The following RAB21 variants were observed in gnomAD, a reference collection of about 807,000 sequenced individuals.
The protein encoded by RAB21 is ras-related protein Rab-21.
Under a neutral mutation model 33.1 loss-of-function variants are expected in RAB21, and 13 were observed. The observed-to-expected ratio is 0.39, with a 90% CI of 0.26 to 0.62. The LOEUF (loss-of-function observed/expected upper bound fraction) is 0.62, where lower values mean the gene tolerates loss of function less well. RAB21 is among the 20% of genes least tolerant of loss of function. The probability of loss-of-function intolerance (pLI) is 0.48; values close to 1 mark genes in which losing one functional copy is unlikely to be tolerated. For missense variants in RAB21, 234 were observed against 279.1 expected (o/e 0.84, Z 1.15); for synonymous variants, 91 against 103.7 (o/e 0.88, Z 0.74).
rs1883362529 is a variant in RAB21 at position 71,790,378 on chromosome 12, T to G, written c.*4705T>G. On this transcript the variant is annotated 3_prime_UTR_variant, in exon 7 of 7. Coordinates refer to ENST00000261263, the MANE Select transcript of RAB21 (RefSeq NM_014999.4). ...AAAGCTAAGGTGATTTCTTTACATT[T>G]GAACATGTGTAGATCAATGAGAGAA... is the stretch of plus-strand genomic sequence containing the variant. 1 of 152,158 alleles carries G rather than the reference T, an allele frequency of 6.6e-6. No homozygotes were observed. Among genetic ancestry groups the G allele is most frequent in the Non-Finnish European group, 1.5e-5 (1 of 68,016 alleles). The allele number at this position is 152,158 out of a possible 1,614,324, so 9.4% of individuals were successfully genotyped here.
intron 4 of RAB21, among the ~76,000 whole-genome samples, chr12:71,777,657 C>G (rs1369573868): frequency 6.6e-6 from 1 of 152,144 alleles, no homozygotes; most frequent in Admixed American, 6.5e-5. Context: ...ATAAGATAAC[C>G]TTTCAAGCAT....
At chr12:71,774,536 A>G (rs1269101698) in intron 4 of RAB21, among the ~76,000 whole-genome samples, 1 of 151,992 alleles carries the variant, frequency 6.6e-6, no homozygotes, top group Non-Finnish European at 1.5e-5. Context: ...AGGCAGGTAG[A>G]TCATCTGAGG....
rs922943945 is a variant in RAB21, at chr12:71,793,761, T to C, written c.*8088T>C. 3.9e-5 allele frequency: 6 copies of C among 152,234 alleles called. No individual in the cohort carries two copies. The highest frequency in any genetic ancestry group is 8.8e-5 in the Non-Finnish European group (6 of 68,044). The allele number at this position is 152,234 out of a possible 1,614,324, so 9.4% of individuals were successfully genotyped here. On this transcript the variant is annotated 3_prime_UTR_variant, in exon 7 of 7. Transcript: ENST00000261263. ...GAAAGACATAATTTTGGGTGAACTTTCTTGAAGATGGTCAGAAAGGGCATT... is the reference window on the plus strand; with the variant it reads ...GAAAGACATAATTTTGGGTGAACTTCCTTGAAGATGGTCAGAAAGGGCATT...
At chr12:71,785,409 T>G (rs1409243855) in intron 6 of RAB21, 122 bp from the exon 7 acceptor site, 1 of 1,143,932 alleles carries the variant, frequency 8.7e-7, no homozygotes, top group Non-Finnish European at 1.2e-6. Flanking sequence ...CAATGTTCAT[T>G]ATATTTAGTT....
At chr12:71,771,309 G>T (rs1406537800) in intron 3 of RAB21, among the ~76,000 whole-genome samples, 2 of 152,174 alleles carry the variant, frequency 1.3e-5, no homozygotes, top group African/African-American at 4.8e-5. Context: ...ATCACAATCA[G>T]ATGGGTTACT....
At chr12:71,760,897 C>G (rs1047418137) in intron 1 of RAB21, among the ~76,000 whole-genome samples, 5 of 152,064 alleles carry the variant, frequency 3.3e-5, no homozygotes, top group African/African-American at 1.2e-4. Flanking sequence ...AACAGTTTGG[C>G]AAATGAGGAA....
chr12:71,762,467 G>T (rs1190561132), intron 1 of RAB21, among the ~76,000 whole-genome samples: 2 of 151,878 alleles, frequency 1.3e-5, no homozygotes, highest in Non-Finnish European at 2.9e-5. Flanking sequence ...TACCACGCCC[G>T]GCTAATTTTT....
Position 71,786,325 on chromosome 12 carries a change from A to G in RAB21, c.*652A>G, listed in dbSNP as rs944605851. The G allele has an allele frequency of 6.6e-6, 1 of 152,618 alleles. No homozygotes were observed. The highest frequency in any genetic ancestry group is 1.5e-5 in the Non-Finnish European group (1 of 68,026). The allele number at this position is 152,618 out of a possible 1,614,324, so 9.5% of individuals were successfully genotyped here. On this transcript the variant is annotated 3_prime_UTR_variant, in exon 7 of 7. Coordinates refer to ENST00000261263, the MANE Select transcript of RAB21 (RefSeq NM_014999.4). The stretch of plus-strand genomic sequence containing the variant: ...TTATATTCTTTCAAATCAAATCTTT[A>G]TTTAATAACTTATATATGTTGTTGG...
At chr12:71,780,814 C>T (rs183452278) in intron 4 of RAB21, among the ~76,000 whole-genome samples, 1 of 152,214 alleles carries the variant, frequency 6.6e-6, no homozygotes, top group African/African-American at 2.4e-5. Flanking sequence ...AAATTGTCTC[C>T]TAGAATCTAT....
chr12:71,789,169 A>G lies in RAB21; in HGVS notation c.*3496A>G, dbSNP rs1883341140. ...ATAGAATGGAAGTCAAGTAAATAAA[A>G]AACTACAACCTGACAGTTTTTTAAA... On this transcript the variant is annotated 3_prime_UTR_variant, in exon 7 of 7. Coordinates refer to ENST00000261263, the MANE Select transcript of RAB21 (RefSeq NM_014999.4). 6.6e-6 allele frequency: 1 copy of G among 152,030 alleles called. No individual in the cohort carries two copies. The highest frequency in any genetic ancestry group is 2.4e-5 in the African/African-American group (1 of 41,406). The allele number at this position is 152,030 out of a possible 1,614,324, so 9.4% of individuals were successfully genotyped here.
Position 71,797,503 on chromosome 12 carries a change from A to G in RAB21, c.*11830A>G, listed in dbSNP as rs1883478391. ...ATTCAAACACATGGAGATGCATATC[A>G]TATTCTTGGATAGGAAGACAACATA... is the stretch of plus-strand genomic sequence containing the variant. On this transcript the variant is annotated 3_prime_UTR_variant, in exon 7 of 7. Coordinates refer to ENST00000261263, the MANE Select transcript of RAB21 (RefSeq NM_014999.4). 1 of 151,824 alleles carries G rather than the reference A, an allele frequency of 6.6e-6. No individual in the cohort carries two copies. Among genetic ancestry groups the G allele is most frequent in the South Asian group, 2.1e-4 (1 of 4,818 alleles). The allele number at this position is 151,824 out of a possible 1,614,324, so 9.4% of individuals were successfully genotyped here.
At position 71,794,508 on chromosome 12, in the gene RAB21, C is replaced by T. The variant is rs1883439566; in HGVS notation, c.*8835C>T. 1 of 126,060 alleles carries T rather than the reference C, an allele frequency of 7.9e-6. No individual in the cohort carries two copies. The highest frequency in any genetic ancestry group is 1.6e-5 in the Non-Finnish European group (1 of 62,816). 7.8% of individuals were successfully genotyped at this position (126,060 alleles called of 1,614,324 possible). The stretch of plus-strand genomic sequence containing the variant: ...CCAGAGTGCAGTGGCGCTATCTCGG[C>T]TCACTGCAAGCTCCGGCTCCCGAGT... On this transcript the variant is annotated 3_prime_UTR_variant, in exon 7 of 7. Transcript: ENST00000261263.
At chr12:71,774,112 G>A (rs1478587290) in intron 4 of RAB21, 90 bp downstream of exon 4, 1 of 810,968 alleles carries the variant, frequency 1.2e-6, no homozygotes, top group Non-Finnish European at 1.9e-6. Context: ...AAAGTTATAT[G>A]AGAAAGGAAG....
At chr12:71,762,695 G>A (rs1282673780) in intron 1 of RAB21, among the ~76,000 whole-genome samples, 1 of 151,976 alleles carries the variant, frequency 6.6e-6, no homozygotes, top group Admixed American at 6.6e-5. Context: ...CAATTCTCCT[G>A]CCTCAGCCTC....
rs189268039 is a variant in RAB21 at position 71,774,797 on chromosome 12, A to G, written c.391+775A>G. ...AAGAATAATTTAGGATTTAGAAGTG[A>G]TTTTCCAGGAGATTCAAACTCTAAG... On this transcript the variant is annotated intron_variant, in intron 4 of 6. Transcript: ENST00000261263. Among the ~76,000 whole-genome samples the G allele has an allele frequency of 3.0e-4, 46 of 151,236 alleles. No individual in the cohort carries two copies. The East Asian group carries it at 8.6e-3, about 28-fold the overall frequency.
chr12:71,778,370 T>C (rs868147678), intron 4 of RAB21, among the ~76,000 whole-genome samples: 114 of 152,170 alleles, frequency 7.5e-4, no homozygotes, highest in African/African-American at 2.3e-3. Flanking sequence ...CCAGGCACTG[T>C]TTTAAGTACA....
intron 3 of RAB21, among the ~76,000 whole-genome samples, chr12:71,773,107 G>A (rs182206450): frequency 6.6e-6 from 1 of 152,296 alleles, no homozygotes; most frequent in East Asian, 1.9e-4. Flanking sequence ...ATGAAGGCAG[G>A]TGTCCAAGTT....
At position 71,770,655 on chromosome 12, in the gene RAB21, G is replaced by C; in HGVS notation, c.283G>C (p.Ala95Pro). 6.2e-7 allele frequency: 1 copy of C among 1,608,488 alleles called. No individual in the cohort carries two copies. Among genetic ancestry groups the C allele is most frequent in the Non-Finnish European group, 8.5e-7 (1 of 1,175,564 alleles). The part of the protein sequence containing the change: ...GPIYYRDSNG[A>P]ILVYDITDED... The stretch of plus-strand genomic sequence containing the variant: ...AATTTACTACAGAGATTCAAATGGA[G>C]CGATTTTAGTTTATGACATAACAGA... Residue 95 changes from alanine to proline, a missense_variant, in exon 3 of 7, where the codon GCG becomes CCG. Coordinates refer to ENST00000261263, the MANE Select transcript of RAB21 (RefSeq NM_014999.4).
At position 71,764,966 on chromosome 12, in the gene RAB21, TACTC is replaced by T. The variant is rs1342527413; in HGVS notation, c.160-4832_160-4829del. On this transcript the variant is annotated intron_variant, in intron 1 of 6. Transcript: ENST00000261263. ...GACAACTTCTTTTCCTTTGGGTAAA[TACTC>T]AGTAGTGGGATTGCTGGATCAAATG... Among the ~76,000 whole-genome samples, 4 of 152,176 alleles carry T rather than the reference TACTC, an allele frequency of 2.6e-5. 1 individual carries two copies. In the South Asian group the frequency reaches 6.2e-4, roughly 24 times the overall value.
Sources: gnomAD v4.1 joint callset for allele counts (sites outside exome capture counted in the v4.1 genomes callset) on GRCh38, gnomAD v4.1.1 for gene constraint, MANE v1.5 for transcripts, NCBI Gene and HGNC (gene_info 2026-07-23, HGNC 2026-07-21) for gene names.